Variants in SH2D4A observed in about 807,000 individuals in gnomAD.
SH2D4A encodes SH2 domain-containing protein 4A.
In SH2D4A, 70 loss-of-function variants were observed where a neutral mutation model predicts 64.7. The ratio of observed to expected loss-of-function variants is 1.08; its 90% CI spans 0.89 to 1.32. The LOEUF (loss-of-function observed/expected upper bound fraction) is 1.32, where lower values mean the gene tolerates loss of function less well. Among genes scored for constraint, SH2D4A ranks in the 40% most tolerant of loss-of-function variants. The probability of loss-of-function intolerance (pLI) is 0.00; values close to 1 mark genes in which losing one functional copy is unlikely to be tolerated. For missense variants in SH2D4A, 706 were observed against 540.1 expected (o/e 1.31, Z -3.04); for synonymous variants, 268 against 200.7 (o/e 1.34, Z -2.83).
chr8:19,324,252 C>T (rs963713989), intron 2 of SH2D4A, among the ~76,000 whole-genome samples: 1 of 152,174 alleles, frequency 6.6e-6, no homozygotes, highest in Non-Finnish European at 1.5e-5. Context: ...TTGATGGAAA[C>T]CTAATGCAAT....
intron 4 of SH2D4A, among the ~76,000 whole-genome samples, chr8:19,348,141 G>T (rs992270326): frequency 1.3e-5 from 2 of 152,142 alleles, no homozygotes; most frequent in Non-Finnish European, 2.9e-5. Flanking sequence ...TGTCACCCAG[G>T]CTGGAGTGCC....
At chr8:19,340,283 T>C (rs1201412268) in intron 4 of SH2D4A, among the ~76,000 whole-genome samples, 3 of 152,112 alleles carry the variant, frequency 2.0e-5, no homozygotes, top group Non-Finnish European at 4.4e-5. Flanking sequence ...TACTTACGTG[T>C]TTTGACTCTT....
chr8:19,319,562 A>G lies in SH2D4A; in HGVS notation c.15A>G (p.Ile5Met), dbSNP rs772528148. 1.9e-6 allele frequency: 3 copies of G among 1,551,392 alleles called. No individual in the cohort carries two copies. The highest frequency in any genetic ancestry group is 2.1e-5 in the Admixed American group (1 of 47,634). MLKQ[I>M]LSEMYIDPDL... ...GAAGTGCAAAGATGCTGAAACAGAT[A>G]CTGTCGGAGATGTACATAGATCCTG... is the stretch of plus-strand genomic sequence containing the variant. Residue 5 changes from isoleucine to methionine, a missense_variant, in exon 2 of 10, where the codon ATA (isoleucine) becomes ATG (methionine). Ile to Met is a conservative substitution (Grantham distance 10, BLOSUM62 1). Coordinates refer to ENST00000265807, the MANE Select transcript of SH2D4A (RefSeq NM_022071.4).
chr8:19,384,678 T>A (rs1036507777), intron 8 of SH2D4A, among the ~76,000 whole-genome samples: 11 of 152,154 alleles, frequency 7.2e-5, no homozygotes, highest in African/African-American at 2.4e-4. Flanking sequence ...AGATTATGAG[T>A]CTCCAAAGTG....
intron 1 of SH2D4A, among the ~76,000 whole-genome samples, chr8:19,316,373 G>C (rs143700458): frequency 6.6e-6 from 1 of 152,366 alleles, no homozygotes; most frequent in Non-Finnish European, 1.5e-5. Flanking sequence ...GAACCTCCTT[G>C]CACATGTGAG....
intron 4 of SH2D4A, among the ~76,000 whole-genome samples, chr8:19,346,345 G>A (rs554257500): frequency 6.6e-6 from 1 of 152,330 alleles, no homozygotes; most frequent in South Asian, 2.1e-4. Flanking sequence ...ATCATCAGCA[G>A]CATTAGATTC....
intron 3 of SH2D4A, among the ~76,000 whole-genome samples, chr8:19,333,860 G>C (rs921989575): frequency 6.6e-6 from 1 of 152,174 alleles, no homozygotes; most frequent in Non-Finnish European, 1.5e-5. Context: ...GCAGGCAGAG[G>C]GCTTAACCAA....
At chr8:19,343,959 C>T (rs1030220863) in intron 4 of SH2D4A, among the ~76,000 whole-genome samples, 4 of 152,012 alleles carry the variant, frequency 2.6e-5, no homozygotes, top group Non-Finnish European at 4.4e-5. Flanking sequence ...TCCTGGCCGG[C>T]GAAATGTCAG....
intron 4 of SH2D4A, among the ~76,000 whole-genome samples, chr8:19,351,987 T>A (rs750425702): frequency 1.1e-4 from 17 of 152,210 alleles, no homozygotes; most frequent in Non-Finnish European, 2.1e-4. Flanking sequence ...TTCACCATGT[T>A]GGCCAGGCTG....
At chr8:19,359,674 C>G (rs939392175) in intron 5 of SH2D4A, among the ~76,000 whole-genome samples, 7 of 149,308 alleles carry the variant, frequency 4.7e-5, no homozygotes, top group African/African-American at 1.8e-4. Context: ...GAGCTTAGCT[C>G]TAGGCAGGAA....
At chr8:19,352,954 G>A (rs1311301499) in intron 4 of SH2D4A, among the ~76,000 whole-genome samples, 2 of 152,134 alleles carry the variant, frequency 1.3e-5, no homozygotes, top group African/African-American at 4.8e-5. Flanking sequence ...AGGCTGCAGT[G>A]AGCCCTGATC....
intron 7 of SH2D4A, 50 bp from the exon 8 acceptor site, chr8:19,373,479 AT>A: frequency 7.1e-7 from 1 of 1,400,204 alleles, no homozygotes; most frequent in South Asian, 1.5e-5. Context: ...TTTTGAGGGC[AT>A]TATTTTCAAA....
At chr8:19,314,443 G>T (rs1004096963) in intron 1 of SH2D4A, among the ~76,000 whole-genome samples, 2 of 152,054 alleles carry the variant, frequency 1.3e-5, no homozygotes, top group Admixed American at 6.5e-5. Context: ...GCCTCCCTCG[G>T]GCTGCAGCGG....
chr8:19,314,840 C>T (rs2052059105), intron 1 of SH2D4A, among the ~76,000 whole-genome samples: 2 of 152,170 alleles, frequency 1.3e-5, no homozygotes. Flanking sequence ...TATATATTTA[C>T]AAACTGCTGT....
chr8:19,385,202 G>C (rs2053364325), intron 8 of SH2D4A, among the ~76,000 whole-genome samples: 1 of 147,058 alleles, frequency 6.8e-6, no homozygotes, highest in African/African-American at 2.5e-5. Flanking sequence ...TCACACTTCA[G>C]CTGTTTTTTT....
chr8:19,317,303 A>ATTTTTTTTTTTTTTTT (rs761621347), intron 1 of SH2D4A, among the ~76,000 whole-genome samples: 1 of 97,372 alleles, frequency 1.0e-5, no homozygotes, highest in Non-Finnish European at 2.0e-5. Context: ...CAAGACATCC[A>ATTTTTTTTTTTTTTTT]TTTTTTTTTT....
At chr8:19,381,120 G>T (rs1196373116) in intron 8 of SH2D4A, among the ~76,000 whole-genome samples, 4 of 150,630 alleles carry the variant, frequency 2.7e-5, no homozygotes, top group African/African-American at 9.8e-5. Flanking sequence ...TATGATCTTT[G>T]CTCACTGCAA....
intron 7 of SH2D4A, among the ~76,000 whole-genome samples, chr8:19,369,421 T>G (rs940172454): frequency 6.6e-6 from 1 of 152,132 alleles, no homozygotes; most frequent in Non-Finnish European, 1.5e-5. Flanking sequence ...GTATTAGTAT[T>G]TCTTTAAATG....
At chr8:19,365,298 C>T (rs1024030455) in intron 7 of SH2D4A, among the ~76,000 whole-genome samples, 21 of 152,070 alleles carry the variant, frequency 1.4e-4, no homozygotes, top group Non-Finnish European at 2.4e-4. Context: ...TGGGGACCAA[C>T]GTGGAACTCA....
Sources: gnomAD v4.1 joint callset for allele counts (sites outside exome capture counted in the v4.1 genomes callset) on GRCh38, gnomAD v4.1.1 for gene constraint, MANE v1.5 for transcripts, NCBI Gene and HGNC (gene_info 2026-07-23, HGNC 2026-07-21) for gene names.